The following CEP44 variants were observed in gnomAD, a reference collection of about 807,000 sequenced individuals.
CEP44 encodes centrosomal protein 44.
CEP44 carries 45 observed loss-of-function variants against 46.7 expected under a neutral mutation model. The observed-to-expected ratio is 0.96, with a 90% CI of 0.76 to 1.24. The LOEUF is 1.24. Among genes scored for constraint, CEP44 ranks in the 50% most tolerant of loss-of-function variants. The probability of loss-of-function intolerance (pLI) is 0.00; values close to 1 mark genes in which losing one functional copy is unlikely to be tolerated. For synonymous variants in CEP44, 142 were observed against 146.0 expected, an observed-to-expected ratio of 0.97 and a Z score of 0.20; for missense variants, 475 against 459.7, an observed-to-expected ratio of 1.03 and a Z score of -0.30.
intron 1 of CEP44, among the ~76,000 whole-genome samples, chr4:174,295,206 C>A (rs554273975): frequency 2.9e-4 from 43 of 149,174 alleles, no homozygotes; most frequent in African/African-American, 1.1e-3. Context: ...GGCTGCCGGG[C>A]GGAGGGGCTC....
rs1170276173 is a variant in CEP44, at chr4:174,326,073, G to T, written c.1087-5409G>T. ...TACATTTAACTTGATTATGGATATG[G>T]TTCAAATCTACCACCTTCTTATATT... is the stretch of plus-strand genomic sequence containing the variant. On this transcript the variant is annotated intron_variant, in intron 8 of 8. Coordinates refer to the CEP44 transcript ENST00000426172. This position sits in a 1 kb window ranked among gnomAD's most constrained non-coding sequence, Gnocchi z 4.8. 1.3e-5 allele frequency among the ~76,000 whole-genome samples: 2 copies of T among 152,042 alleles called. No homozygotes were observed. Among genetic ancestry groups the T allele is most frequent in the Non-Finnish European group, 2.9e-5 (2 of 67,994 alleles).
At chr4:174,295,818 G>T (rs1158120846) in intron 1 of CEP44, among the ~76,000 whole-genome samples, 1 of 152,186 alleles carries the variant, frequency 6.6e-6, no homozygotes, top group African/African-American at 2.4e-5. Context: ...TAATTGTATT[G>T]TTTGTTTCAG....
chr4:174,296,763 ATTTT>A (rs202212472), intron 1 of CEP44, among the ~76,000 whole-genome samples: 1 of 90,420 alleles, frequency 1.1e-5, no homozygotes, highest in Non-Finnish European at 2.1e-5. Context: ...GTCCTTACTG[ATTTT>A]TTTTTTTTTT....
chr4:174,289,856 AG>A (rs1737986378), intron 1 of CEP44, among the ~76,000 whole-genome samples: 1 of 144,768 alleles, frequency 6.9e-6, no homozygotes, highest in Non-Finnish European at 1.5e-5. Flanking sequence ...TTTTTCTTTG[AG>A]ACAGAGTCTT....
rs1030494534 is a variant in CEP44, at chr4:174,288,338, A to C, written c.-148+4395A>C. The stretch of plus-strand genomic sequence containing the variant: ...TTCTTAGCAAAATTTTAAGAATACA[A>C]TATTGCTAATCACAGACACTGGGTT... On this transcript the variant is annotated intron_variant, in intron 1 of 11. Coordinates refer to ENST00000503780, the MANE Select transcript of CEP44 (RefSeq NM_001040157.3). This position sits in a 1 kb window ranked among gnomAD's most constrained non-coding sequence, Gnocchi z 4.6. 6.6e-6 allele frequency among the ~76,000 whole-genome samples: 1 copy of C among 152,152 alleles called. No individual in the cohort carries two copies. Among genetic ancestry groups the C allele is most frequent in the African/African-American group, 2.4e-5 (1 of 41,434 alleles).
chr4:174,308,062 A>G (rs1482424231), intron 6 of CEP44, among the ~76,000 whole-genome samples: 2 of 152,124 alleles, frequency 1.3e-5, no homozygotes, highest in Non-Finnish European at 2.9e-5. Flanking sequence ...TTCCTCAAAG[A>G]CCTAAAGACC....
rs2271197 is a variant in CEP44, at chr4:174,303,915, A to G, written c.384+66A>G. ...AATAGATGGCTCAGTATTTTAATGT[A>G]TAAAATCAAAACCCTAGACAGCAAA... On this transcript the variant is annotated intron_variant, in intron 5 of 11. Coordinates refer to ENST00000503780, the MANE Select transcript of CEP44 (RefSeq NM_001040157.3). 1.3e-3 allele frequency: 1,456 copies of G among 1,114,616 alleles called. 24 individuals are homozygous for G. The East Asian group carries it at 0.035, about 27-fold the overall frequency. 69.0% of individuals were successfully genotyped at this position (1,114,616 alleles called of 1,614,324 possible). A position where few individuals can be genotyped will look rare whatever the true frequency, so the allele number is the denominator to read the frequency against.
chr4:174,299,167 GT>G lies in CEP44; in HGVS notation c.47del (p.Val16GlyfsTer5). ...AAGAAGCTTACGGAACCTAGAACAG[GT>G]GCTCCGCTTGCTAAATTATCCTGAA... is the stretch of plus-strand genomic sequence containing the variant. ...LKRSLRNLEQ[V>X]LRLLNYPEEV... On this transcript the variant is annotated frameshift_variant, in exon 3 of 12. Coordinates refer to ENST00000503780, the MANE Select transcript of CEP44 (RefSeq NM_001040157.3). LOFTEE classifies it high-confidence loss of function. 1 of 1,613,782 alleles carries G rather than the reference GT, an allele frequency of 6.2e-7. No individual in the cohort carries two copies. The highest frequency in any genetic ancestry group is 8.5e-7 in the Non-Finnish European group (1 of 1,179,772).
rs1331273185 is a variant in CEP44, at chr4:174,290,755, CCTT to C, written c.-148+6815_-148+6817del. Among the ~76,000 whole-genome samples the C allele has an allele frequency of 2.0e-5, 3 of 152,016 alleles. No homozygotes were observed. Among genetic ancestry groups the C allele is most frequent in the African/African-American group, 7.2e-5 (3 of 41,380 alleles). ...TATAGAGAGTGATGTATCAAAGTCT[CCTT>C]CTATATTGTATCGATATCTATTTCT... On this transcript the variant is annotated intron_variant, in intron 1 of 11. Coordinates refer to ENST00000503780, the MANE Select transcript of CEP44 (RefSeq NM_001040157.3). This position sits in a 1 kb window ranked among gnomAD's most constrained non-coding sequence, Gnocchi z 4.3.
intron 3 of CEP44, 149 bp downstream of exon 3, chr4:174,299,359 G>A (rs1288065658): frequency 6.9e-6 from 4 of 577,096 alleles, no homozygotes; most frequent in Non-Finnish European, 1.2e-5. Context: ...AGAAAGCAGG[G>A]AATTATAGGA....
chr4:174,310,685 A>G lies in CEP44; in HGVS notation c.886-98A>G, dbSNP rs1370819675. On this transcript the variant is annotated intron_variant, in intron 8 of 11. Transcript: ENST00000503780. This position sits in a 1 kb window ranked among gnomAD's most constrained non-coding sequence, Gnocchi z 4.2. Reference sequence around the variant, plus strand: ...AAAAATTAAAAATATTTAAACATTTATCATGCTACCTTTATATTTTATGCT... The same window carrying G: ...AAAAATTAAAAATATTTAAACATTTGTCATGCTACCTTTATATTTTATGCT... The G allele has an allele frequency of 7.6e-6, 5 of 661,126 alleles. No homozygotes were observed. In the East Asian group the frequency reaches 1.4e-4, roughly 18 times the overall value. The allele number at this position is 661,126 out of a possible 1,614,324, so 41.0% of individuals were successfully genotyped here. A position where few individuals can be genotyped will look rare whatever the true frequency, so the allele number is the denominator to read the frequency against.
chr4:174,284,708 C>T (rs1006970221), intron 1 of CEP44, among the ~76,000 whole-genome samples: 2 of 152,166 alleles, frequency 1.3e-5, no homozygotes, highest in African/African-American at 4.8e-5. Context: ...TCCCCACTCC[C>T]GCCCAGCTTT....
Position 174,317,366 on chromosome 4 carries a change from C to T in CEP44, c.1156C>T (p.Pro386Ser). ...FEETAELLKC[P>S]NHYL ...AGAAACTGCAGAGTTACTGAAATGTCCAAATCACTACTTGTAGGATTTTCT... is the reference window on the plus strand; with the variant it reads ...AGAAACTGCAGAGTTACTGAAATGTTCAAATCACTACTTGTAGGATTTTCT... The change falls in exon 12 of 12, where the codon CCA (proline) becomes TCA (serine). Residue 386 changes from proline to serine, a missense_variant. Pro to Ser is a moderately conservative substitution (Grantham distance 74, BLOSUM62 -1). Transcript: ENST00000503780. 1 of 1,420,198 alleles carries T rather than the reference C, an allele frequency of 7.0e-7. No individual in the cohort carries two copies. Among genetic ancestry groups the T allele is most frequent in the Non-Finnish European group, 9.4e-7 (1 of 1,065,654 alleles). The allele number at this position is 1,420,198 out of a possible 1,614,324, so 88.0% of individuals were successfully genotyped here. A position where few individuals can be genotyped will look rare whatever the true frequency, so the allele number is the denominator to read the frequency against.
chr4:174,292,496 T>C (rs993603670), intron 1 of CEP44, among the ~76,000 whole-genome samples: 54 of 152,320 alleles, frequency 3.5e-4, no homozygotes, highest in African/African-American at 1.3e-3. Flanking sequence ...TTATAATGTG[T>C]TTATTAAGTT....
chr4:174,324,586 G>A (rs1742535028), downstream of CEP44, among the ~76,000 whole-genome samples: 4 of 152,136 alleles, frequency 2.6e-5, no homozygotes, highest in Admixed American at 2.6e-4. Context: ...CGTGTGTGGT[G>A]TAAACCAAAA....
chr4:174,294,742 T>C, intron 1 of CEP44, among the ~76,000 whole-genome samples: 1 of 122,236 alleles, frequency 8.2e-6, no homozygotes, highest in Admixed American at 8.0e-5. Context: ...CCCACCTCCC[T>C]GCTGGGCGGG....
In CEP44 at chr4:174,286,643, G is replaced by A. The variant is rs571756343; in HGVS notation, c.-148+2700G>A. On this transcript the variant is annotated intron_variant, in intron 1 of 11. Coordinates refer to ENST00000503780, the MANE Select transcript of CEP44 (RefSeq NM_001040157.3). The surrounding 1 kb of genome is among the most constrained non-coding windows in gnomAD (Gnocchi z 5.2). ...CTCCTTCCAGCAAAGGTTCTTAATC[G>A]TTTATATACCTATTTATGACTCTTC... 2.3e-4 allele frequency among the ~76,000 whole-genome samples: 35 copies of A among 152,100 alleles called. No individual in the cohort carries two copies. Among genetic ancestry groups the A allele is most frequent in the Non-Finnish European group, 4.4e-4 (30 of 68,010 alleles).
At chr4:174,299,300 T>G in intron 3 of CEP44, 90 bp downstream of exon 3, 3 of 968,882 alleles carry the variant, frequency 3.1e-6, no homozygotes, top group Non-Finnish European at 4.6e-6. Context: ...AAAAATCAGA[T>G]TTTACCTGGT....
chr4:174,289,625 A>G (rs1560885803), intron 1 of CEP44, among the ~76,000 whole-genome samples: 1 of 151,810 alleles, frequency 6.6e-6, no homozygotes, highest in East Asian at 1.9e-4. Context: ...TGAGTCTTCT[A>G]TTTTTAAAGT....
Sources: allele counts gnomAD v4.1 joint callset (sites outside exome capture counted in the v4.1 genomes callset), GRCh38; gene constraint gnomAD v4.1.1; non-coding constraint Gnocchi (gnomAD v3.1); transcripts MANE v1.5; gene names NCBI Gene and HGNC (gene_info 2026-07-23, HGNC 2026-07-21).